The following ZRANB3 variants were observed in gnomAD, a reference collection of about 807,000 sequenced individuals.
The protein encoded by ZRANB3 is zinc finger RANBP2-type containing 3.
ZRANB3 carries 125 observed loss-of-function variants against 133.8 expected under a neutral mutation model. The ratio of observed to expected loss-of-function variants is 0.93; its 90% CI spans 0.81 to 1.08. The LOEUF (loss-of-function observed/expected upper bound fraction) is 1.08. Among genes scored for constraint, ZRANB3 ranks in the 50% least tolerant of loss-of-function variants. ZRANB3 has a pLI of 0.00. For synonymous variants in ZRANB3, 387 were observed against 432.7 expected (o/e 0.89, Z 1.31); for missense variants, 1,229 against 1,275.5 (o/e 0.96, Z 0.56).
In ZRANB3 at chr2:135,230,850, A is replaced by G; in HGVS notation, c.1617T>C (p.Cys539=). 1 of 1,609,990 alleles carries G rather than the reference A, an allele frequency of 6.2e-7. No homozygotes were observed. Among genetic ancestry groups the G allele is most frequent in the African/African-American group, 1.3e-5 (1 of 74,888 alleles). ...CCTCCCGGAATCTCTTTGATTCGTC[A>G]CAGGAGGTCATCAACTGTCTTTTTT... The part of the protein sequence containing the change: ...QPKKRQLMTS[C]DESKRFREEN... The change falls in exon 13 of 21, where the codon TGT becomes TGC. Residue 539 remains cysteine, a synonymous_variant. Coordinates refer to ENST00000264159, the MANE Select transcript of ZRANB3 (RefSeq NM_032143.4).
chr2:135,519,605 T>A (rs188574118), intron 1 of ZRANB3, among the ~76,000 whole-genome samples: 361 of 152,326 alleles, frequency 2.4e-3, no homozygotes, highest in African/African-American at 8.3e-3. Flanking sequence ...AAATATCTAT[T>A]TTAAATATTA....
At chr2:135,390,170 C>A (rs1028063502) in intron 3 of ZRANB3, among the ~76,000 whole-genome samples, 1 of 152,006 alleles carries the variant, frequency 6.6e-6, no homozygotes, top group African/African-American at 2.4e-5. Context: ...TGAGCCACTG[C>A]GCCTGGCCGT....
At chr2:135,339,299 T>C (rs896447894) in intron 6 of ZRANB3, among the ~76,000 whole-genome samples, 2 of 151,920 alleles carry the variant, frequency 1.3e-5, no homozygotes, top group Non-Finnish European at 2.9e-5. Flanking sequence ...TAATCCCAGC[T>C]ACTTGGGAGG....
chr2:135,504,877 C>T (rs1261111892), intron 1 of ZRANB3, among the ~76,000 whole-genome samples: 1 of 151,948 alleles, frequency 6.6e-6, no homozygotes, highest in Non-Finnish European at 1.5e-5. Context: ...AATAATTCAT[C>T]CTTTTATGGA....
intron 2 of ZRANB3, among the ~76,000 whole-genome samples, chr2:135,492,698 T>C (rs954470304): frequency 2.0e-5 from 3 of 152,020 alleles, no homozygotes; most frequent in African/African-American, 7.2e-5. Flanking sequence ...TGATGAGTGA[T>C]AAAAACACAT....
intron 8 of ZRANB3, among the ~76,000 whole-genome samples, chr2:135,312,668 A>G (rs1683054157): frequency 6.6e-6 from 1 of 152,190 alleles, no homozygotes; most frequent in South Asian, 2.1e-4. Context: ...CTGACAAATA[A>G]AAAAAGATTA....
intron 2 of ZRANB3, among the ~76,000 whole-genome samples, chr2:135,449,021 T>C (rs1181273893): frequency 6.6e-6 from 1 of 152,174 alleles, no homozygotes; most frequent in Non-Finnish European, 1.5e-5. Flanking sequence ...TACTAGGTGA[T>C]TACAACTACA....
intron 17 of ZRANB3, among the ~76,000 whole-genome samples, chr2:135,210,427 T>G (rs1004946296): frequency 1.5e-4 from 23 of 152,156 alleles, no homozygotes; most frequent in Admixed American, 3.3e-4. Context: ...CTCCGCCTTC[T>G]GGTTCAAGCT....
intron 15 of ZRANB3, among the ~76,000 whole-genome samples, chr2:135,219,869 CT>C (rs997022612): frequency 6.6e-6 from 1 of 151,572 alleles, no homozygotes; most frequent in Non-Finnish European, 1.5e-5. Context: ...ATCCTGAAAT[CT>C]TTTTTTTCCC....
intron 2 of ZRANB3, among the ~76,000 whole-genome samples, chr2:135,441,620 T>C (rs1315962516): frequency 6.6e-6 from 1 of 152,024 alleles, no homozygotes; most frequent in African/African-American, 2.4e-5. Context: ...TATTCTTACA[T>C]ATAATATATA....
intron 8 of ZRANB3, among the ~76,000 whole-genome samples, chr2:135,297,477 C>A (rs995744396): frequency 4.6e-5 from 7 of 152,326 alleles, no homozygotes; most frequent in African/African-American, 1.7e-4. Flanking sequence ...CCGTCTGTCA[C>A]CCGTTCCTTT....
At chr2:135,240,838 C>G (rs911459957) in intron 12 of ZRANB3, among the ~76,000 whole-genome samples, 2 of 152,184 alleles carry the variant, frequency 1.3e-5, no homozygotes, top group Admixed American at 6.5e-5. Context: ...TCTTGGCCCC[C>G]CAAAGTGGTG....
At chr2:135,456,336 GC>G (rs1690517824) in intron 2 of ZRANB3, among the ~76,000 whole-genome samples, 1 of 152,198 alleles carries the variant, frequency 6.6e-6, no homozygotes, top group Non-Finnish European at 1.5e-5. Flanking sequence ...AGGGGGAATA[GC>G]AAGAAAACAC....
chr2:135,208,842 A>G (rs773272710), intron 18 of ZRANB3, 26 bp downstream of exon 18: 2 of 1,566,670 alleles, frequency 1.3e-6, no homozygotes, highest in Non-Finnish European at 8.8e-7. Flanking sequence ...TAGTACTACT[A>G]TATACTAGTA....
chr2:135,276,392 C>T (rs148569107), intron 8 of ZRANB3, among the ~76,000 whole-genome samples: 37 of 151,610 alleles, frequency 2.4e-4, no homozygotes, highest in East Asian at 1.9e-3. Flanking sequence ...ATGAAGACAA[C>T]GGTAGTGAGG....
chr2:135,511,226 A>G, intron 1 of ZRANB3: 1 of 953,158 alleles, frequency 1.0e-6, no homozygotes, highest in Non-Finnish European at 1.7e-6. Flanking sequence ...ATACTGTCTG[A>G]GATATGTCTG....
chr2:135,398,519 C>A (rs1687597717), intron 2 of ZRANB3, among the ~76,000 whole-genome samples: 1 of 118,416 alleles, frequency 8.4e-6, no homozygotes, highest in African/African-American at 4.8e-5. Flanking sequence ...TTTCTTTTGT[C>A]ACTTTTTTTT....
At chr2:135,453,243 C>T (rs1272426672) in intron 2 of ZRANB3, among the ~76,000 whole-genome samples, 3 of 152,182 alleles carry the variant, frequency 2.0e-5, no homozygotes, top group African/African-American at 2.4e-5. Context: ...GCCTGGCCCA[C>T]AAAACCATTT....
intron 2 of ZRANB3, among the ~76,000 whole-genome samples, chr2:135,501,991 A>G (rs1176218674): frequency 6.6e-6 from 1 of 152,218 alleles, no homozygotes; most frequent in African/African-American, 2.4e-5. Context: ...GCCAGAAGAC[A>G]GGAGGATACC....
Sources: gnomAD v4.1 joint callset for allele counts (sites outside exome capture counted in the v4.1 genomes callset) on GRCh38, gnomAD v4.1.1 for gene constraint, MANE v1.5 for transcripts, NCBI Gene and HGNC (gene_info 2026-07-23, HGNC 2026-07-21) for gene names.